MPPED2: variants seen among roughly 807,000 people sequenced by gnomAD.
MPPED2 encodes the protein metallophosphoesterase MPPED2.
A neutral mutation model predicts 33.0 loss-of-function variants in MPPED2; 5 were observed. The ratio of observed to expected loss-of-function variants is 0.15; its 90% CI spans 0.08 to 0.32. MPPED2 has a LOEUF of 0.32. MPPED2 is among the 10% of genes least tolerant of loss of function. The probability of loss-of-function intolerance (pLI) is 1.00; values close to 1 mark genes in which losing one functional copy is unlikely to be tolerated. For missense variants in MPPED2, 275 were observed against 372.1 expected, an observed-to-expected ratio of 0.74 and a Z score of 2.15; for synonymous variants, 136 against 141.9, an observed-to-expected ratio of 0.96 and a Z score of 0.29.
At chr11:30,466,197 T>C (rs903348007) in intron 4 of MPPED2, among the ~76,000 whole-genome samples, 1 of 152,264 alleles carries the variant, frequency 6.6e-6, no homozygotes, top group African/African-American at 2.4e-5. Context: ...GATTTCTATA[T>C]AGAATCTAAG....
At chr11:30,440,330 CAA>C (rs34148273) in intron 4 of MPPED2, among the ~76,000 whole-genome samples, 15 of 123,066 alleles carry the variant, frequency 1.2e-4, no homozygotes, top group Non-Finnish European at 8.5e-5. Context: ...ACTCCGTCTC[CAA>C]AAAAAAAAAA....
intron 4 of MPPED2, among the ~76,000 whole-genome samples, chr11:30,487,980 C>G (rs1168455041): frequency 2.0e-5 from 3 of 152,036 alleles, no homozygotes; most frequent in African/African-American, 4.8e-5. Context: ...CTGAGTTGCT[C>G]AGGCCACGGA....
chr11:30,566,904 G>C (rs1956466808), intron 2 of MPPED2, among the ~76,000 whole-genome samples: 1 of 152,148 alleles, frequency 6.6e-6, no homozygotes, highest in African/African-American at 2.4e-5. Context: ...CTAATCCAGA[G>C]AGAAGGACAG....
intron 3 of MPPED2, among the ~76,000 whole-genome samples, chr11:30,519,560 G>A (rs1200597064): frequency 6.6e-6 from 1 of 151,732 alleles, no homozygotes; most frequent in Non-Finnish European, 1.5e-5. Flanking sequence ...TGATGTTAAG[G>A]AGATATATAT....
chr11:30,402,416 T>C (rs1017474195), intron 6 of MPPED2, among the ~76,000 whole-genome samples: 1 of 152,164 alleles, frequency 6.6e-6, no homozygotes, highest in African/African-American at 2.4e-5. Flanking sequence ...TGCCATTGTG[T>C]TGGAAAAGCC....
At chr11:30,427,904 T>C (rs1401957560) in intron 4 of MPPED2, among the ~76,000 whole-genome samples, 3 of 152,298 alleles carry the variant, frequency 2.0e-5, no homozygotes, top group Middle Eastern at 6.8e-3. Flanking sequence ...ACTCTCCAGA[T>C]GGCTAAATGC....
chr11:30,394,656 C>T (rs2133699759), intron 6 of MPPED2, among the ~76,000 whole-genome samples: 1 of 152,152 alleles, frequency 6.6e-6, no homozygotes, highest in Admixed American at 6.5e-5. Flanking sequence ...GCTACAAGAT[C>T]TTTGTTTGAT....
intron 3 of MPPED2, 65 bp from the exon 4 acceptor site, chr11:30,495,586 G>A: frequency 1.6e-6 from 2 of 1,223,944 alleles, no homozygotes; most frequent in South Asian, 2.6e-5. Context: ...CAACAGCCGA[G>A]ACTGTGTGAT....
At chr11:30,565,847 T>C (rs1390979826) in intron 2 of MPPED2, among the ~76,000 whole-genome samples, 1 of 152,178 alleles carries the variant, frequency 6.6e-6, no homozygotes, top group Non-Finnish European at 1.5e-5. Context: ...TAGAACTCCA[T>C]TGCATACTTA....
At chr11:30,391,214 T>TA (rs1052419907) in intron 6 of MPPED2, among the ~76,000 whole-genome samples, 2 of 152,136 alleles carry the variant, frequency 1.3e-5, no homozygotes, top group African/African-American at 4.8e-5. Context: ...ACTCCCTTTA[T>TA]AAAGTGGCTT....
Position 30,414,253 on chromosome 11 carries a change from G to C in MPPED2, c.741C>G (p.Leu247=), listed in dbSNP as rs767795394. Residue 247 remains leucine (L), a synonymous_variant, in exon 6 of 7, where the codon CTC becomes CTG. Transcript: ENST00000358117. ...NTVQRRVRPK[L]HVFGGIHEGY... ...CTTCATGGATTCCACCAAACACATG[G>C]AGCTTGGGCCGGACTCGCCTCTGAA... 2.5e-6 allele frequency: 4 copies of C among 1,613,750 alleles called. No individual in the cohort carries two copies. The highest frequency in any genetic ancestry group is 3.4e-6 in the Non-Finnish European group (4 of 1,179,750).
At chr11:30,533,001 C>A (rs762160133) in intron 3 of MPPED2, among the ~76,000 whole-genome samples, 1 of 152,182 alleles carries the variant, frequency 6.6e-6, no homozygotes, top group African/African-American at 2.4e-5. Context: ...AATATTAGCA[C>A]ATAGCCAAAC....
chr11:30,572,467 G>A (rs567392113), intron 2 of MPPED2, among the ~76,000 whole-genome samples: 1 of 152,174 alleles, frequency 6.6e-6, no homozygotes, highest in South Asian at 2.1e-4. Context: ...AATATCCAGT[G>A]TTTATATATA....
At chr11:30,425,840 T>C (rs187302471) in intron 4 of MPPED2, among the ~76,000 whole-genome samples, 7 of 152,048 alleles carry the variant, frequency 4.6e-5, no homozygotes, top group Admixed American at 4.6e-4. Flanking sequence ...CAAAGAGGAA[T>C]CTCACAGTTC....
chr11:30,435,431 AACTCTGAACCAGTGGCAGTGAC>A (rs1459762094), intron 4 of MPPED2, among the ~76,000 whole-genome samples: 2 of 152,214 alleles, frequency 1.3e-5, no homozygotes, highest in Non-Finnish European at 2.9e-5. Flanking sequence ...TGAAACAGAA[AACTCTGAACCAGTGGCAGTGAC>A]ACTCGATCAC....
chr11:30,476,397 A>T (rs1437632997), intron 4 of MPPED2, among the ~76,000 whole-genome samples: 2 of 152,022 alleles, frequency 1.3e-5, no homozygotes, highest in Middle Eastern at 3.2e-3. Context: ...TTTTTAAAAA[A>T]ATTTAAGTGT....
At chr11:30,563,682 C>T (rs1956326578) in intron 2 of MPPED2, among the ~76,000 whole-genome samples, 1 of 152,098 alleles carries the variant, frequency 6.6e-6, no homozygotes, top group African/African-American at 2.4e-5. Flanking sequence ...ATTCTGAGTT[C>T]AGAGAGAATT....
chr11:30,529,196 G>A (rs1231491714), intron 3 of MPPED2, among the ~76,000 whole-genome samples: 7 of 152,008 alleles, frequency 4.6e-5, no homozygotes, highest in Non-Finnish European at 7.4e-5. Context: ...CCTTAATAAA[G>A]ACCCTAAATG....
chr11:30,499,872 T>C (rs988767666), intron 3 of MPPED2, among the ~76,000 whole-genome samples: 2 of 152,164 alleles, frequency 1.3e-5, no homozygotes, highest in African/African-American at 4.8e-5. Context: ...TTTTGTTTTG[T>C]TTTTGTAATG....
Sources: allele counts gnomAD v4.1 joint callset (sites outside exome capture counted in the v4.1 genomes callset), GRCh38; gene constraint gnomAD v4.1.1; transcripts MANE v1.5; gene names NCBI Gene and HGNC (gene_info 2026-07-23, HGNC 2026-07-21).